MN1: variants seen among roughly 807,000 people sequenced by gnomAD.
MN1 encodes the protein MN1 proto-oncogene, transcriptional regulator, also known as transcriptional activator MN1.
Under a neutral mutation model 86.9 loss-of-function variants are expected in MN1, and 19 were observed. The observed-to-expected ratio is 0.22, with a 90% CI of 0.15 to 0.32. MN1 has a LOEUF of 0.32. MN1 is among the 10% of genes least tolerant of loss of function. The pLI, the probability that MN1 is intolerant of heterozygous loss-of-function variation, is 1.00. For missense variants in MN1, 1,841 were observed against 1,862.0 expected, an observed-to-expected ratio of 0.99 and a Z score of 0.21; for synonymous variants, 928 against 849.6, an observed-to-expected ratio of 1.09 and a Z score of -1.60.
intron 1 of MN1, among the ~76,000 whole-genome samples, chr22:27,763,387 C>T (rs555398064): frequency 1.3e-4 from 20 of 152,226 alleles, no homozygotes; most frequent in African/African-American, 4.6e-4. Context: ...GCTTCATCGC[C>T]GGGGAAGGGC....
Position 27,748,341 on chromosome 22 carries a change from T to G in MN1, c.*2574A>C, listed in dbSNP as rs938229293. The G allele has an allele frequency of 5.6e-6, 1 of 178,308 alleles. No individual in the cohort carries two copies. Among genetic ancestry groups the G allele is most frequent in the African/African-American group, 2.4e-5 (1 of 42,214 alleles). 11.0% of individuals were successfully genotyped at this position (178,308 alleles called of 1,614,324 possible). The stretch of plus-strand genomic sequence containing the variant: ...GGAAAACATATACAGGTATATACAA[T>G]ATGCAGGAATACAGAAGACTGCACT... On this transcript the variant is annotated 3_prime_UTR_variant, in exon 2 of 2. Coordinates refer to ENST00000302326, the MANE Select transcript of MN1 (RefSeq NM_002430.3).
chr22:27,763,152 G>C (rs777019771), intron 1 of MN1, among the ~76,000 whole-genome samples: 2 of 152,160 alleles, frequency 1.3e-5, no homozygotes, highest in Non-Finnish European at 2.9e-5. Flanking sequence ...TTTGGAATTA[G>C]AGCCTCATTG....
At chr22:27,771,590 T>C (rs941179101) in intron 1 of MN1, among the ~76,000 whole-genome samples, 3 of 152,204 alleles carry the variant, frequency 2.0e-5, no homozygotes, top group African/African-American at 7.2e-5. Context: ...ATGAAAATTA[T>C]ATGAAATCCA....
Position 27,797,731 on chromosome 22 carries a change from C to G in MN1, c.2813G>C (p.Gly938Ala). Residue 938 changes from glycine (G) to alanine (A), a missense_variant, in exon 1 of 2, where the codon GGC (glycine) becomes GCC (alanine). Transcript: ENST00000302326. ...TCTGCGACCCCGTCCCCGGCCGCCG[C>G]CCCCGGAGACCGGCTTGCCGTCATT... ...SGNDGKPVSGGGGRGRGRRKR... is the reference protein window; with the variant it reads ...SGNDGKPVSGAGGRGRGRRKR... 1 of 1,611,464 alleles carries G rather than the reference C, an allele frequency of 6.2e-7. No homozygotes were observed. The highest frequency in any genetic ancestry group is 8.5e-7 in the Non-Finnish European group (1 of 1,179,432).
In MN1 at chr22:27,798,923, G is replaced by GC. The variant is rs1933369883; in HGVS notation, c.1620_1621insG (p.Gln541AlafsTer19). The stretch of plus-strand genomic sequence containing the variant: ...TGCTGCTGCTGCTGTTGCTGTTGCT[G>GC]TTGCTGCTGCTGCTGCTGCTGTTGC... On this transcript the variant is annotated frameshift_variant, in exon 1 of 2. Transcript: ENST00000302326. LOFTEE classifies it high-confidence loss of function. 6 of 1,530,070 alleles carry GC rather than the reference G, an allele frequency of 3.9e-6. No individual in the cohort carries two copies. Among genetic ancestry groups the GC allele is most frequent in the Non-Finnish European group, 5.3e-6 (6 of 1,129,284 alleles). 94.8% of individuals were successfully genotyped at this position (1,530,070 alleles called of 1,614,324 possible). A position where few individuals can be genotyped will look rare whatever the true frequency, so the allele number is the denominator to read the frequency against.
chr22:27,770,504 G>A (rs1056009570), intron 1 of MN1, among the ~76,000 whole-genome samples: 1 of 152,184 alleles, frequency 6.6e-6, no homozygotes, highest in African/African-American at 2.4e-5. Flanking sequence ...CTTTGGACAA[G>A]GCACTTTCCC....
Position 27,799,575 on chromosome 22 carries a change from C to G in MN1, c.969G>C (p.Met323Ile), listed in dbSNP as rs770858733. ...CCACTGAGGGCTCCAGACCCACAGGCATCTTTCTGGCCCCACTGAACCTCT... is the reference window on the plus strand; with the variant it reads ...CCACTGAGGGCTCCAGACCCACAGGGATCTTTCTGGCCCCACTGAACCTCT... The part of the protein sequence containing the change: ...FFERFSGARK[M>I]PVGLEPSVGS... Residue 323 changes from methionine to isoleucine, a missense_variant, in exon 1 of 2, where the codon ATG becomes ATC. Transcript: ENST00000302326. 3.6e-5 allele frequency: 54 copies of G among 1,499,886 alleles called. No homozygotes were observed. The highest frequency in any genetic ancestry group is 4.6e-5 in the Admixed American group (2 of 43,792). 92.9% of individuals were successfully genotyped at this position (1,499,886 alleles called of 1,614,324 possible). A position where few individuals can be genotyped will look rare whatever the true frequency, so the allele number is the denominator to read the frequency against.
intron 1 of MN1, among the ~76,000 whole-genome samples, chr22:27,759,956 A>C (rs976485927): frequency 2.0e-5 from 3 of 151,722 alleles, no homozygotes; most frequent in Non-Finnish European, 4.4e-5. Flanking sequence ...GGTGGCTTAC[A>C]TGTGTAATCC....
chr22:27,788,074 A>AGGT (rs1367320043), intron 1 of MN1, among the ~76,000 whole-genome samples: 5 of 152,174 alleles, frequency 3.3e-5, no homozygotes, highest in Non-Finnish European at 7.3e-5. Flanking sequence ...AGCCTAGCCC[A>AGGT]GGTGATGTTG....
At chr22:27,753,137 C>G (rs1445998747) in intron 1 of MN1, among the ~76,000 whole-genome samples, 2 of 152,236 alleles carry the variant, frequency 1.3e-5, no homozygotes, top group East Asian at 1.9e-4. Context: ...AGAAAGGAGA[C>G]TTCCTTGGCC....
At position 27,798,894 on chromosome 22, in the gene MN1, C is replaced by T. The variant is rs761845076; in HGVS notation, c.1650G>A (p.Gln550=). The part of the protein sequence containing the change: ...QQQQQQQQQQ[Q]RQNAALMIKQ... ...TAATCATGAGGGCCGCGTTTTGGCG[C>T]TGCTGCTGCTGCTGCTGTTGCTGTT... is the stretch of plus-strand genomic sequence containing the variant. Residue 550 remains glutamine, a synonymous_variant, in exon 1 of 2, where the codon CAG becomes CAA. Coordinates refer to ENST00000302326, the MANE Select transcript of MN1 (RefSeq NM_002430.3). The T allele has an allele frequency of 1.9e-6, 3 of 1,539,772 alleles. No homozygotes were observed. In the South Asian group the frequency reaches 3.6e-5, roughly 18 times the overall value.
At chr22:27,777,779 G>A (rs893450305) in intron 1 of MN1, among the ~76,000 whole-genome samples, 20 of 151,866 alleles carry the variant, frequency 1.3e-4, no homozygotes, top group African/African-American at 4.4e-4. Context: ...GGGAGGCTGA[G>A]GCAAGAGAAC....
intron 1 of MN1, among the ~76,000 whole-genome samples, chr22:27,794,904 G>C (rs2146313956): frequency 6.6e-6 from 1 of 151,700 alleles, no homozygotes; most frequent in East Asian, 2.0e-4. Context: ...AGAAGGGGAA[G>C]GGGGAGGGGC....
intron 1 of MN1, among the ~76,000 whole-genome samples, chr22:27,795,588 A>T (rs929757234): frequency 2.6e-5 from 4 of 152,166 alleles, no homozygotes; most frequent in African/African-American, 9.7e-5. Context: ...TGTCTAGGGA[A>T]ACCAAGGGAA....
chr22:27,778,890 C>T (rs1045605336), intron 1 of MN1, among the ~76,000 whole-genome samples: 12 of 152,192 alleles, frequency 7.9e-5, no homozygotes, highest in Admixed American at 1.3e-4. Flanking sequence ...ATGCAACCTA[C>T]GAAAGCAGAA....
At chr22:27,776,175 T>G (rs1932976267) in intron 1 of MN1, among the ~76,000 whole-genome samples, 1 of 152,094 alleles carries the variant, frequency 6.6e-6, no homozygotes, top group African/African-American at 2.4e-5. Flanking sequence ...TAATTAACCC[T>G]GAAAGGGGCC....
Position 27,799,626 on chromosome 22 carries a change from C to T in MN1, c.918G>A (p.Gln306=). Residue 306 remains glutamine, a synonymous_variant, in exon 1 of 2, where the codon CAG becomes CAA. Transcript: ENST00000302326. ...QPQQQQQPQQ[Q]QQQHGVFFER... is the part of the protein sequence containing the mutation. ...CAAAGAACACACCATGCTGCTGCTG[C>T]TGCTGCTGGGGCTGCTGCTGCTGCT... 1 of 1,546,664 alleles carries T rather than the reference C, an allele frequency of 6.5e-7. No individual in the cohort carries two copies.
intron 1 of MN1, among the ~76,000 whole-genome samples, chr22:27,780,031 T>C (rs1467265792): frequency 1.3e-5 from 2 of 152,066 alleles, no homozygotes; most frequent in Non-Finnish European, 2.9e-5. Context: ...TGCCCTAACC[T>C]ATGGCCCAGG....
intron 1 of MN1, among the ~76,000 whole-genome samples, chr22:27,762,712 G>C (rs1289781702): frequency 1.3e-5 from 2 of 151,882 alleles, no homozygotes; most frequent in African/African-American, 2.4e-5. Context: ...CTAAACACCA[G>C]GGCTGACACC....
Sources: gnomAD v4.1 joint callset for allele counts (sites outside exome capture counted in the v4.1 genomes callset) on GRCh38, gnomAD v4.1.1 for gene constraint, MANE v1.5 for transcripts, NCBI Gene and HGNC (gene_info 2026-07-23, HGNC 2026-07-21) for gene names.